Variants in RUVBL1 observed in about 807,000 individuals in gnomAD.
RUVBL1 encodes ruvB-like 1.
A neutral mutation model predicts 52.4 loss-of-function variants in RUVBL1; 4 were observed. The observed-to-expected ratio is 0.08, with a 90% CI of 0.04 to 0.17. RUVBL1 has a LOEUF of 0.17. Among genes scored for constraint, RUVBL1 ranks in the 10% least tolerant of loss-of-function variants. The probability of loss-of-function intolerance (pLI) is 1.00; values close to 1 mark genes in which losing one functional copy is unlikely to be tolerated. For missense variants in RUVBL1, 298 were observed against 572.8 expected (o/e 0.52, Z 4.90); for synonymous variants, 217 against 214.4 (o/e 1.01, Z -0.10).
chr3:128,127,422 G>A (rs1276291460), upstream of RUVBL1, among the ~76,000 whole-genome samples: 4 of 152,018 alleles, frequency 2.6e-5, no homozygotes, highest in Non-Finnish European at 5.9e-5. Flanking sequence ...TTACTCCCAC[G>A]ACCTTTGCTC....
chr3:128,079,982 A>G (rs1942425954), downstream of RUVBL1, among the ~76,000 whole-genome samples: 1 of 152,184 alleles, frequency 6.6e-6, no homozygotes, highest in African/African-American at 2.4e-5. Flanking sequence ...ACTTAGCCCC[A>G]CCTCAGGCAC....
intron 3 of RUVBL1, among the ~76,000 whole-genome samples, chr3:128,112,307 G>C (rs574749944): frequency 1.3e-5 from 2 of 152,332 alleles, no homozygotes; most frequent in South Asian, 4.1e-4. Flanking sequence ...TTAACCTTCT[G>C]AGACTGCTTC....
At chr3:128,077,538 G>A (rs1942370303), downstream of RUVBL1, among the ~76,000 whole-genome samples, 3 of 152,360 alleles carry the variant, frequency 2.0e-5, no homozygotes, top group Admixed American at 6.5e-5. Flanking sequence ...ACAAACACCA[G>A]CACTGGCTGG....
At chr3:128,134,953 G>C (rs1943929705) in intron 1 of RUVBL1, among the ~76,000 whole-genome samples, 1 of 152,002 alleles carries the variant, frequency 6.6e-6, no homozygotes. Flanking sequence ...GAAAGATCAG[G>C]GTAGACAGTT....
chr3:128,086,294 G>A (rs1178525478), intron 9 of RUVBL1, among the ~76,000 whole-genome samples: 1 of 152,186 alleles, frequency 6.6e-6, no homozygotes, highest in African/African-American at 2.4e-5. Context: ...ACCATGCCTG[G>A]GCAATGTCCT....
At chr3:128,100,441 C>T (rs1024190035) in intron 6 of RUVBL1, among the ~76,000 whole-genome samples, 154 bp downstream of exon 6, 1 of 152,156 alleles carries the variant, frequency 6.6e-6, no homozygotes, top group African/African-American at 2.4e-5. Flanking sequence ...AGGAGTCCCT[C>T]GTAGCTCATG....
At chr3:128,065,214 A>T (rs572236785) in exon 10 of RUVBL1, 1 of 741,478 alleles carries the variant, frequency 1.3e-6, no homozygotes, top group African/African-American at 1.7e-5. Flanking sequence ...TCATTGAGTC[A>T]TGGGACCTGC....
rs555221178 is a variant in RUVBL1 at position 128,120,831 on chromosome 3, G to A, written c.142-1417C>T. 7.2e-5 allele frequency among the ~76,000 whole-genome samples: 11 copies of A among 152,000 alleles called. No individual in the cohort carries two copies. The East Asian group carries it at 1.6e-3, about 22-fold the overall frequency. ...GAGAAGGGGTTTCACCATGTTAGCC[G>A]GGATGGTCTCAATCTCCCGACCATG... On this transcript the variant is annotated intron_variant, in intron 1 of 10. Coordinates refer to ENST00000322623, the MANE Select transcript of RUVBL1 (RefSeq NM_003707.3).
At chr3:128,128,007 A>AATACATACATAC (rs57824701), upstream of RUVBL1, among the ~76,000 whole-genome samples, 2 of 148,886 alleles carry the variant, frequency 1.3e-5, no homozygotes, top group East Asian at 2.0e-4. Context: ...AAAAATAATA[A>AATACATACATAC]ATACATACAT....
intron 8 of RUVBL1, 47 bp downstream of exon 8, chr3:128,097,253 C>G (rs780045220): frequency 1.3e-6 from 2 of 1,547,040 alleles, no homozygotes; most frequent in Non-Finnish European, 1.8e-6. Flanking sequence ...CAAATGAGCC[C>G]AGATGGAAGT....
intron 1 of RUVBL1, among the ~76,000 whole-genome samples, chr3:128,139,528 T>C (rs1943989636): frequency 6.6e-6 from 1 of 152,120 alleles, no homozygotes; most frequent in Non-Finnish European, 1.5e-5. Flanking sequence ...ATGGCTTTTA[T>C]CCAAAAGACA....
At chr3:128,074,449 A>G (rs1312817094) in intron 9 of RUVBL1, among the ~76,000 whole-genome samples, 1 of 152,286 alleles carries the variant, frequency 6.6e-6, no homozygotes, top group Admixed American at 6.5e-5. Flanking sequence ...TTTCTGGGCA[A>G]TAGTAATATC....
chr3:128,139,044 C>T (rs1381599465), intron 1 of RUVBL1, among the ~76,000 whole-genome samples: 2 of 152,058 alleles, frequency 1.3e-5, no homozygotes, highest in Non-Finnish European at 2.9e-5. Flanking sequence ...AAAATCAAAT[C>T]AAAATGGATT....
intron 1 of RUVBL1, among the ~76,000 whole-genome samples, chr3:128,121,815 A>C (rs9865276): frequency 0.041 from 6,231 of 151,910 alleles, 423 homozygotes; most frequent in African/African-American, 0.14. Flanking sequence ...GGTAGAAGAG[A>C]CTTTACAAAC....
intron 1 of RUVBL1, among the ~76,000 whole-genome samples, chr3:128,130,384 C>T (rs1251289318): frequency 6.6e-6 from 1 of 151,942 alleles, no homozygotes; most frequent in African/African-American, 2.4e-5. Context: ...AGTAAGGAGA[C>T]TGAGTCAGTA....
At chr3:128,150,979 ATATTCTAT>A (rs1376081047) in intron 1 of RUVBL1, among the ~76,000 whole-genome samples, 92 of 93,846 alleles carry the variant, frequency 9.8e-4, no homozygotes, top group Admixed American at 1.8e-3. Flanking sequence ...TATATATTAT[ATATTCTAT>A]ATATATTATA....
rs557198645 is a variant in RUVBL1, at chr3:128,071,698, CTT to C, written c.940-6480_940-6479del. On this transcript the variant is annotated intron_variant, in intron 9 of 9. Coordinates refer to the RUVBL1 transcript ENST00000464873. Reference sequence around the variant, plus strand: ...TTTACAAGGTACTTGATCATGTTCTCTTGATTTTAAATTAGATTTTATTCCCA... The same window carrying C: ...TTTACAAGGTACTTGATCATGTTCTCGATTTTAAATTAGATTTTATTCCCA... 3.3e-3 allele frequency: 504 copies of C among 152,810 alleles called. 3 individuals are homozygous for C. The highest frequency in any genetic ancestry group is 4.4e-3 in the Non-Finnish European group (302 of 68,042). The allele number at this position is 152,810 out of a possible 1,614,324, so 9.5% of individuals were successfully genotyped here. A position where few individuals can be genotyped will look rare whatever the true frequency, so the allele number is the denominator to read the frequency against.
intron 1 of RUVBL1, among the ~76,000 whole-genome samples, chr3:128,130,618 T>TAAA (rs1943862314): frequency 5.0e-5 from 2 of 40,284 alleles, no homozygotes; most frequent in African/African-American, 2.5e-4. Flanking sequence ...AAAAAAATTT[T>TAAA]ATTTATTTAT....
At chr3:128,125,915 T>C (rs546636549), upstream of RUVBL1, among the ~76,000 whole-genome samples, 3 of 152,354 alleles carry the variant, frequency 2.0e-5, no homozygotes, top group Non-Finnish European at 4.4e-5. Flanking sequence ...CTTCTTTGTG[T>C]ATTGTCCAAT....
Sources: allele counts gnomAD v4.1 joint callset (sites outside exome capture counted in the v4.1 genomes callset), GRCh38; gene constraint gnomAD v4.1.1; transcripts MANE v1.5; gene names NCBI Gene and HGNC (gene_info 2026-07-23, HGNC 2026-07-21).